SDCCAG8: variants seen among roughly 807,000 people sequenced by gnomAD.
SDCCAG8 encodes the protein SHH signaling and ciliogenesis regulator SDCCAG8, also known as serologically defined colon cancer antigen 8.
Under a neutral mutation model 101.8 loss-of-function variants are expected in SDCCAG8, and 74 were observed. The observed-to-expected ratio is 0.73, with a 90% CI of 0.60 to 0.88. The LOEUF is 0.88. Among genes scored for constraint, SDCCAG8 ranks in the 40% least tolerant of loss-of-function variants. The pLI is 0.00. For synonymous variants in SDCCAG8, 281 were observed against 292.9 expected, an observed-to-expected ratio of 0.96 and a Z score of 0.41; for missense variants, 787 against 822.6, an observed-to-expected ratio of 0.96 and a Z score of 0.53.
chr1:243,301,972 G>T (rs1401607444), intron 6 of SDCCAG8, among the ~76,000 whole-genome samples: 3 of 152,184 alleles, frequency 2.0e-5, no homozygotes, highest in African/African-American at 7.2e-5. Flanking sequence ...GAGAGGCTGG[G>T]TGTGGTGGCT....
chr1:243,485,326 A>G (rs1375058681), intron 16 of SDCCAG8, among the ~76,000 whole-genome samples: 1 of 152,236 alleles, frequency 6.6e-6, no homozygotes, highest in Non-Finnish European at 1.5e-5. Flanking sequence ...TTTAACAGGT[A>G]GTTTATTAAT....
chr1:243,336,421 G>A (rs1031191234), intron 10 of SDCCAG8, among the ~76,000 whole-genome samples: 2 of 152,112 alleles, frequency 1.3e-5, no homozygotes, highest in East Asian at 3.9e-4. Context: ...CCTGAAACTG[G>A]GTGATTTATA....
chr1:243,450,313 A>C, intron 16 of SDCCAG8, among the ~76,000 whole-genome samples: 1 of 152,254 alleles, frequency 6.6e-6, no homozygotes, highest in Non-Finnish European at 1.5e-5. Flanking sequence ...GGCTGATTCC[A>C]TATGTGTCCT....
At chr1:243,466,637 A>C (rs146637129) in intron 16 of SDCCAG8, among the ~76,000 whole-genome samples, 11 of 152,374 alleles carry the variant, frequency 7.2e-5, no homozygotes, top group Non-Finnish European at 1.6e-4. Context: ...GTAAGTACTC[A>C]ACAAACATTA....
chr1:243,356,425 G>GC lies in SDCCAG8; in HGVS notation c.1473+12094_1473+12095insC, dbSNP rs202180325. On this transcript the variant is annotated intron_variant, in intron 12 of 17. Coordinates refer to ENST00000366541, the MANE Select transcript of SDCCAG8 (RefSeq NM_006642.5). ...AGAGAAAAGAAAAGTAGTGGCGGGG[G>GC]GGTGGTGGGGGAAGTGGGAAGAGAA... Among the ~76,000 whole-genome samples the GC allele has an allele frequency of 1.1e-3, 172 of 150,370 alleles. 4 individuals carry two copies. The highest frequency in any genetic ancestry group is 3.4e-3 in the Middle Eastern group (1 of 292).
chr1:243,279,428 T>A (rs1558225428), intron 4 of SDCCAG8, among the ~76,000 whole-genome samples: 1 of 152,268 alleles, frequency 6.6e-6, no homozygotes, highest in Non-Finnish European at 1.5e-5. Flanking sequence ...TACAGCTCAC[T>A]GCCACTGCTG....
At chr1:243,267,542 CG>C (rs1000684523) in intron 1 of SDCCAG8, 1 of 419,658 alleles carries the variant, frequency 2.4e-6, no homozygotes, top group African/African-American at 2.1e-5. Flanking sequence ...GCGGAGGGTG[CG>C]GTGAGCCGAG....
At chr1:243,433,735 A>G (rs1320379389) in intron 16 of SDCCAG8, among the ~76,000 whole-genome samples, 2 of 152,176 alleles carry the variant, frequency 1.3e-5, no homozygotes, top group Non-Finnish European at 2.9e-5. Flanking sequence ...TTGCTTAGAA[A>G]AGTGATCAAG....
At chr1:243,495,263 G>A (rs1168724347) in intron 17 of SDCCAG8, among the ~76,000 whole-genome samples, 1 of 152,196 alleles carries the variant, frequency 6.6e-6, no homozygotes, top group Non-Finnish European at 1.5e-5. Context: ...CCCTCTCCCC[G>A]CCAAGTCCAG....
intron 16 of SDCCAG8, among the ~76,000 whole-genome samples, chr1:243,448,119 C>T (rs929533529): frequency 1.6e-4 from 25 of 152,244 alleles, no homozygotes; most frequent in Admixed American, 1.2e-3. Flanking sequence ...TGCAGGCACC[C>T]GCATTGCTGA....
intron 10 of SDCCAG8, among the ~76,000 whole-genome samples, chr1:243,331,281 T>C (rs543374147): frequency 2.0e-5 from 3 of 152,018 alleles, no homozygotes; most frequent in African/African-American, 7.2e-5. Context: ...GAATACAGAG[T>C]TGAGTGGGAC....
intron 9 of SDCCAG8, among the ~76,000 whole-genome samples, chr1:243,324,688 C>T (rs945046581): frequency 1.3e-5 from 2 of 152,072 alleles, no homozygotes; most frequent in South Asian, 2.1e-4. Context: ...ATTGGTTTCC[C>T]TCAAATTTCA....
chr1:243,482,673 G>C (rs1663984846), intron 16 of SDCCAG8, among the ~76,000 whole-genome samples: 2 of 152,166 alleles, frequency 1.3e-5, no homozygotes, highest in Admixed American at 1.3e-4. Context: ...CGGACCCTAC[G>C]CTGTGCTGTG....
intron 13 of SDCCAG8, among the ~76,000 whole-genome samples, chr1:243,384,745 C>T (rs2078169411): frequency 6.6e-6 from 1 of 151,726 alleles, no homozygotes; most frequent in Non-Finnish European, 1.5e-5. Flanking sequence ...GAGTTCAAGG[C>T]CATCCTGGGT....
Position 243,256,090 on chromosome 1 carries a change from C to T in SDCCAG8, c.-84C>T. 1.2e-5 allele frequency: 17 copies of T among 1,363,792 alleles called. No individual in the cohort carries two copies. The highest frequency in any genetic ancestry group is 1.8e-5 in the Non-Finnish European group (17 of 952,072). 84.5% of individuals were successfully genotyped at this position (1,363,792 alleles called of 1,614,324 possible). A position where few individuals can be genotyped will look rare whatever the true frequency, so the allele number is the denominator to read the frequency against. ...GCGGCAGGAAGCAGGCGGGCGCTCC[C>T]CGGCCACAGGCCTGTTGTTCTCGGA... On this transcript the variant is annotated 5_prime_UTR_variant, in exon 1 of 18. Coordinates refer to ENST00000366541, the MANE Select transcript of SDCCAG8 (RefSeq NM_006642.5).
At chr1:243,450,559 C>T (rs756375014) in intron 16 of SDCCAG8, among the ~76,000 whole-genome samples, 6 of 152,176 alleles carry the variant, frequency 3.9e-5, no homozygotes, top group Admixed American at 2.0e-4. Flanking sequence ...TGTATTCTAG[C>T]GTTGCTAGCC....
In SDCCAG8 at chr1:243,480,344, GGGATGGATGGGTGGGTGGGAT is replaced by G. The variant is rs1412286096; in HGVS notation, c.1986-8655_1986-8635del. 2.6e-5 allele frequency among the ~76,000 whole-genome samples: 3 copies of G among 116,202 alleles called. No individual in the cohort carries two copies. In the East Asian group the frequency reaches 8.3e-4, roughly 32 times the overall value. The allele number at this position is 116,202 out of a possible 152,430, so 76.2% of individuals were successfully genotyped here. On this transcript the variant is annotated intron_variant, in intron 16 of 17. Transcript: ENST00000366541. ...GGGTGGGATGGATGGATGGATAGGTGGGATGGATGGGTGGGTGGGATGGATGGATGGGTGGATGGATGGATG... is the reference window on the plus strand; with the variant it reads ...GGGTGGGATGGATGGATGGATAGGTGGGATGGATGGGTGGATGGATGGATG...
chr1:243,468,983 C>G (rs1215849081), intron 16 of SDCCAG8, among the ~76,000 whole-genome samples: 3 of 152,184 alleles, frequency 2.0e-5, no homozygotes, highest in Non-Finnish European at 4.4e-5. Flanking sequence ...ACTTTATATA[C>G]TCTCCAATTC....
At chr1:243,473,454 T>C (rs547600911) in intron 16 of SDCCAG8, among the ~76,000 whole-genome samples, 37 of 152,236 alleles carry the variant, frequency 2.4e-4, no homozygotes, top group Non-Finnish European at 4.8e-4. Context: ...AATTCTCTTT[T>C]AATTCTGAGC....
Sources: allele counts gnomAD v4.1 joint callset (sites outside exome capture counted in the v4.1 genomes callset), GRCh38; gene constraint gnomAD v4.1.1; transcripts MANE v1.5; gene names NCBI Gene and HGNC (gene_info 2026-07-23, HGNC 2026-07-21).